Variants in HACL1 observed in about 807,000 individuals in gnomAD.
The protein encoded by HACL1 is 1600020H07Rik.
In HACL1, 64 loss-of-function variants were observed where a neutral mutation model predicts 74.2. The ratio of observed to expected loss-of-function variants is 0.86; its 90% CI spans 0.70 to 1.06. The LOEUF (loss-of-function observed/expected upper bound fraction) is 1.06, where lower values mean the gene tolerates loss of function less well. Ranked by LOEUF, HACL1 falls within the 50% of genes least tolerant of loss-of-function variation. HACL1 has a pLI of 0.00. For synonymous variants in HACL1, 230 were observed against 238.8 expected (o/e 0.96, Z 0.34); for missense variants, 728 against 719.7 (o/e 1.01, Z -0.13).
intron 7 of HACL1, 71 bp from the exon 8 acceptor site, chr3:15,583,060 A>G (rs900640020): frequency 2.8e-6 from 2 of 719,438 alleles, no homozygotes; most frequent in African/African-American, 3.6e-5. Context: ...TTTCAAATAT[A>G]TAGAAAGGTA....
chr3:15,601,526 C>G lies in HACL1; in HGVS notation c.-63G>C, dbSNP rs192164652. ...AAACAAGCGGAATCATCCAGCAAGG[C>G]AAACGCGAAATCGGCAGCACGCCAC... On this transcript the variant is annotated 5_prime_UTR_variant, in exon 1 of 17. Coordinates refer to ENST00000321169, the MANE Select transcript of HACL1 (RefSeq NM_012260.4). 2.8e-4 allele frequency: 448 copies of G among 1,608,582 alleles called. 3 individuals are homozygous for G. The highest frequency in any genetic ancestry group is 6.2e-4 in the Admixed American group (37 of 60,002).
intron 3 of HACL1, chr3:15,595,921 T>C (rs1053414219): frequency 6.5e-6 from 1 of 152,852 alleles, no homozygotes; most frequent in Admixed American, 6.5e-5. Flanking sequence ...GATTTTCATT[T>C]TCTTCTTTGT....
At chr3:15,576,128 C>T (rs2063621716) in intron 9 of HACL1, among the ~76,000 whole-genome samples, 1 of 92,328 alleles carries the variant, frequency 1.1e-5, no homozygotes, top group Non-Finnish European at 2.1e-5. Context: ...TGCACTCCAG[C>T]CTAGTAACAA....
At chr3:15,587,219 C>T (rs920060953) in intron 5 of HACL1, among the ~76,000 whole-genome samples, 8 of 141,138 alleles carry the variant, frequency 5.7e-5, no homozygotes, top group Non-Finnish European at 1.1e-4. Context: ...GATCACCCTC[C>T]GATTTTCAGT....
rs774994483 is a variant in HACL1 at position 15,573,175 on chromosome 3, T to C, written c.977A>G (p.His326Arg). The C allele has an allele frequency of 1.9e-6, 3 of 1,599,432 alleles. No individual in the cohort carries two copies. The highest frequency in any genetic ancestry group is 2.2e-5 in the South Asian group (2 of 90,796). The change falls in exon 11 of 17, where the codon CAT (histidine) becomes CGT (arginine). Residue 326 changes from histidine to arginine, a missense_variant. Coordinates refer to ENST00000321169, the MANE Select transcript of HACL1 (RefSeq NM_012260.4). ...KPAVTLLGNI[H>R]AVTKQLLEEL... ...AGTTCTCACCTGCTTAGTGACAGCA[T>C]GTATGTTTCCTAGCAAAGTAACAGC... is the stretch of plus-strand genomic sequence containing the variant.
At chr3:15,570,280 A>C (rs1277705275) in intron 12 of HACL1, among the ~76,000 whole-genome samples, 1 of 151,740 alleles carries the variant, frequency 6.6e-6, no homozygotes, top group East Asian at 1.9e-4. Flanking sequence ...GGTTGCAGTG[A>C]GCCAAGATCA....
chr3:15,572,841 G>A (rs2063559819), intron 11 of HACL1, among the ~76,000 whole-genome samples: 2 of 152,134 alleles, frequency 1.3e-5, no homozygotes, highest in African/African-American at 4.8e-5. Flanking sequence ...CAGTTCCTTT[G>A]GAAGGTATAC....
chr3:15,561,842 A>G (rs540611071), intron 16 of HACL1, among the ~76,000 whole-genome samples: 2 of 152,210 alleles, frequency 1.3e-5, no homozygotes, highest in East Asian at 3.9e-4. Flanking sequence ...CACCATGCCC[A>G]GTTAATTTTT....
intron 9 of HACL1, among the ~76,000 whole-genome samples, chr3:15,576,511 C>T (rs2063629641): frequency 6.6e-6 from 1 of 152,132 alleles, no homozygotes; most frequent in East Asian, 1.9e-4. Flanking sequence ...AACAACCACC[C>T]TTGCTTTCTT....
chr3:15,564,716 C>A, intron 14 of HACL1, 58 bp from the exon 15 acceptor site: 1 of 720,114 alleles, frequency 1.4e-6, no homozygotes, highest in South Asian at 1.9e-5. Context: ...AATTTCTTTT[C>A]TTTGGGTTGA....
chr3:15,567,970 A>C lies in HACL1; in HGVS notation c.1283T>G (p.Val428Gly), dbSNP rs1285671119. Residue 428 changes from valine to glycine, a missense_variant, in exon 14 of 17, where the codon GTT (valine) becomes GGT (glycine). Coordinates refer to ENST00000321169, the MANE Select transcript of HACL1 (RefSeq NM_012260.4). The part of the protein sequence containing the change: ...LDAGTFGTMG[V>G]GLGFAIAAAV... ...AGCTGCAATAGCAAATCCCAAACCA[A>C]CTCCCATTGTTCCGAAAGTACCAGC... The C allele has an allele frequency of 1.2e-6, 2 of 1,613,762 alleles. No individual in the cohort carries two copies. The highest frequency in any genetic ancestry group is 1.7e-6 in the Non-Finnish European group (2 of 1,179,900).
chr3:15,592,107 A>ACATACG (rs1173890071), intron 3 of HACL1, among the ~76,000 whole-genome samples: 3 of 139,442 alleles, frequency 2.2e-5, no homozygotes, highest in African/African-American at 8.4e-5. Context: ...ATATACGTAT[A>ACATACG]TATACACACT....
intron 16 of HACL1, among the ~76,000 whole-genome samples, chr3:15,562,189 A>G (rs946590209): frequency 3.3e-5 from 5 of 152,354 alleles, no homozygotes; most frequent in African/African-American, 1.2e-4. Context: ...ACTTAAAAAA[A>G]GAAAAGGCAA....
In HACL1 at chr3:15,567,968, C is replaced by G; in HGVS notation, c.1285G>C (p.Gly429Arg). Residue 429 changes from glycine (G) to arginine (R), a missense_variant, in exon 14 of 17, where the codon GGT becomes CGT. Gly to Arg is a moderately radical substitution (Grantham distance 125). Coordinates refer to ENST00000321169, the MANE Select transcript of HACL1 (RefSeq NM_012260.4). The stretch of plus-strand genomic sequence containing the variant: ...GCAGCTGCAATAGCAAATCCCAAAC[C>G]AACTCCCATTGTTCCGAAAGTACCA... Reference protein sequence around the residue: ...DAGTFGTMGVGLGFAIAAAVV... With the variant: ...DAGTFGTMGVRLGFAIAAAVV... The G allele has an allele frequency of 6.2e-7, 1 of 1,614,152 alleles. No homozygotes were observed. Among genetic ancestry groups the G allele is most frequent in the Non-Finnish European group, 8.5e-7 (1 of 1,179,988 alleles).
intron 12 of HACL1, among the ~76,000 whole-genome samples, chr3:15,569,208 C>T (rs1480153443): frequency 6.6e-6 from 1 of 152,136 alleles, no homozygotes; most frequent in East Asian, 1.9e-4. Context: ...AGCAACAGTC[C>T]CATCTGGCCC....
intron 1 of HACL1, 88 bp from the exon 2 acceptor site, chr3:15,601,282 C>T (rs908968665): frequency 9.6e-6 from 15 of 1,555,564 alleles, no homozygotes; most frequent in Non-Finnish European, 1.3e-5. Context: ...AAAAGGAAAA[C>T]CCCCCGACCC....
chr3:15,570,669 C>G (rs1559549313), intron 12 of HACL1, among the ~76,000 whole-genome samples: 1 of 151,642 alleles, frequency 6.6e-6, no homozygotes, highest in South Asian at 2.1e-4. Flanking sequence ...TAGAAATCGC[C>G]AAATCCTGCA....
intron 10 of HACL1, 141 bp downstream of exon 10, chr3:15,574,836 G>A: frequency 2.1e-6 from 1 of 479,580 alleles, no homozygotes; most frequent in Non-Finnish European, 3.8e-6. Flanking sequence ...AATTATGTTA[G>A]ACAATTTGTA....
At chr3:15,583,080 G>A (rs770550473) in intron 7 of HACL1, 91 bp from the exon 8 acceptor site, 2 of 644,346 alleles carry the variant, frequency 3.1e-6, no homozygotes, top group Non-Finnish European at 5.5e-6. Context: ...AGAAAAAATA[G>A]TACAATAAAT....
Sources: gnomAD v4.1 joint callset for allele counts (sites outside exome capture counted in the v4.1 genomes callset) on GRCh38, gnomAD v4.1.1 for gene constraint, MANE v1.5 for transcripts, NCBI Gene and HGNC (gene_info 2026-07-23, HGNC 2026-07-21) for gene names.